The following IKBIP variants were observed in gnomAD, a reference collection of about 807,000 sequenced individuals.
IKBIP encodes the protein inhibitor of nuclear factor kappa-B kinase-interacting protein.
Under a neutral mutation model 31.0 loss-of-function variants are expected in IKBIP, and 28 were observed. That is an observed-to-expected ratio of 0.90 (90% CI 0.67 to 1.24). The LOEUF (loss-of-function observed/expected upper bound fraction) is 1.24, where lower values mean the gene tolerates loss of function less well. Among genes scored for constraint, IKBIP ranks in the 50% most tolerant of loss-of-function variants. IKBIP has a pLI of 0.00. For synonymous variants in IKBIP, 164 were observed against 160.3 expected, an observed-to-expected ratio of 1.02 and a Z score of -0.17; for missense variants, 453 against 441.9, an observed-to-expected ratio of 1.03 and a Z score of -0.23.
At chr12:98,631,858 T>C (rs1027633452) in intron 2 of IKBIP, among the ~76,000 whole-genome samples, 6 of 151,264 alleles carry the variant, frequency 4.0e-5, no homozygotes, top group African/African-American at 1.5e-4. Context: ...CTTTTATTTA[T>C]ATTTATTTAT....
intron 2 of IKBIP, among the ~76,000 whole-genome samples, chr12:98,631,083 C>T (rs1268595621): frequency 1.3e-5 from 2 of 151,766 alleles, no homozygotes; most frequent in Admixed American, 6.6e-5. Flanking sequence ...CAGGCATGCA[C>T]CATCATGCCC....
At chr12:98,636,600 T>C (rs1178594419) in intron 1 of IKBIP, among the ~76,000 whole-genome samples, 1 of 152,374 alleles carries the variant, frequency 6.6e-6, no homozygotes, top group Non-Finnish European at 1.5e-5. Context: ...CTTTTGATGA[T>C]GCTGGCTAAT....
intron 2 of IKBIP, among the ~76,000 whole-genome samples, chr12:98,630,508 C>T (rs7302290): frequency 3.4e-4 from 50 of 145,510 alleles, no homozygotes; most frequent in African/African-American, 1.3e-3. Flanking sequence ...TGGAAACTGA[C>T]TTTAAGTGGA....
At chr12:98,641,930 T>C (rs890064154) in intron 1 of IKBIP, among the ~76,000 whole-genome samples, 1 of 152,164 alleles carries the variant, frequency 6.6e-6, no homozygotes, top group Non-Finnish European at 1.5e-5. Context: ...GTTGGGATTA[T>C]AGGCATGAAC....
chr12:98,628,522 G>A (rs917494376), intron 2 of IKBIP, among the ~76,000 whole-genome samples: 4 of 152,152 alleles, frequency 2.6e-5, no homozygotes, highest in African/African-American at 7.2e-5. Flanking sequence ...GGCTCAGACC[G>A]GATCTCAGCT....
intron 2 of IKBIP, chr12:98,614,382 A>C: frequency 9.8e-7 from 1 of 1,025,622 alleles, no homozygotes; most frequent in Non-Finnish European, 1.4e-6. Context: ...ATGTATTAGA[A>C]GCTTACCATT....
intron 2 of IKBIP, among the ~76,000 whole-genome samples, chr12:98,616,409 A>C (rs1592986901): frequency 6.6e-6 from 1 of 151,986 alleles, no homozygotes; most frequent in African/African-American, 2.4e-5. Flanking sequence ...TTTATGGTTC[A>C]TGAGTATTTT....
intron 2 of IKBIP, among the ~76,000 whole-genome samples, chr12:98,630,023 T>C (rs776528659): frequency 2.8e-4 from 42 of 152,282 alleles, no homozygotes; most frequent in Non-Finnish European, 4.9e-4. Context: ...TGCTCCCAAC[T>C]TAGCTTCCCA....
At chr12:98,639,245 C>T (rs1320999401) in intron 1 of IKBIP, among the ~76,000 whole-genome samples, 1 of 152,186 alleles carries the variant, frequency 6.6e-6, no homozygotes, top group Non-Finnish European at 1.5e-5. Context: ...ACTCTTCCAT[C>T]CTTCCTACAT....
chr12:98,641,379 C>T lies in IKBIP; in HGVS notation c.179+3144G>A, dbSNP rs148632155. Among the ~76,000 whole-genome samples the T allele has an allele frequency of 1.3e-3, 197 of 152,270 alleles. 1 individual carries two copies. Among genetic ancestry groups the T allele is most frequent in the Admixed American group, 7.5e-3 (114 of 15,290 alleles). On this transcript the variant is annotated intron_variant, in intron 1 of 2. Transcript: ENST00000299157. The stretch of plus-strand genomic sequence containing the variant: ...AGACCGACTTTTAGATGCTGAATTA[C>T]GTGTTTTAGTGGTAAAGATCTCAAT...
downstream of IKBIP, among the ~76,000 whole-genome samples, chr12:98,622,389 G>C (rs2097610828): frequency 6.6e-6 from 1 of 152,126 alleles, no homozygotes; most frequent in African/African-American, 2.4e-5. Context: ...TGGCATGGCG[G>C]TGTGCACCTG....
At chr12:98,613,661 A>T in exon 3 of IKBIP, 1 of 1,587,838 alleles carries the variant, frequency 6.3e-7, no homozygotes, top group South Asian at 1.1e-5. Context: ...TAAATTAGAT[A>T]TTTTTTCACT....
intron 1 of IKBIP, among the ~76,000 whole-genome samples, chr12:98,637,833 C>T (rs550181552): frequency 5.3e-5 from 8 of 152,180 alleles, no homozygotes; most frequent in Non-Finnish European, 1.0e-4. Context: ...CGTGAGCCAC[C>T]GCACCCAGCC....
At chr12:98,613,699 T>C in exon 3 of IKBIP, 1 of 1,611,044 alleles carries the variant, frequency 6.2e-7, no homozygotes, top group Non-Finnish European at 8.5e-7. Context: ...TCTCTCTTTG[T>C]AGTAAGTCGG....
At chr12:98,636,890 A>AC (rs2097626178) in intron 1 of IKBIP, among the ~76,000 whole-genome samples, 1 of 151,316 alleles carries the variant, frequency 6.6e-6, no homozygotes, top group Admixed American at 6.6e-5. Flanking sequence ...TGCCCTCCTC[A>AC]CGCCTTCCTG....
At chr12:98,630,895 G>A (rs1212923530) in intron 2 of IKBIP, among the ~76,000 whole-genome samples, 3 of 151,768 alleles carry the variant, frequency 2.0e-5, no homozygotes, top group Non-Finnish European at 4.4e-5. Flanking sequence ...CAGAATGGGA[G>A]AAAAAGCTAC....
chr12:98,643,395 T>C (rs1241603947), intron 1 of IKBIP, among the ~76,000 whole-genome samples: 1 of 152,138 alleles, frequency 6.6e-6, no homozygotes, highest in Non-Finnish European at 1.5e-5. Context: ...AACAACAGTC[T>C]TACTAAATAA....
intron 1 of IKBIP, among the ~76,000 whole-genome samples, chr12:98,643,469 T>C (rs761964469): frequency 2.6e-5 from 4 of 152,024 alleles, no homozygotes; most frequent in Non-Finnish European, 5.9e-5. Flanking sequence ...TAAAATGAAA[T>C]GGGCTATTCC....
chr12:98,617,091 T>A (rs1460361221), intron 2 of IKBIP, among the ~76,000 whole-genome samples: 1 of 152,238 alleles, frequency 6.6e-6, no homozygotes, highest in East Asian at 1.9e-4. Flanking sequence ...TAACTATCCA[T>A]GAGACCTTGA....
Sources: gnomAD v4.1 joint callset for allele counts (sites outside exome capture counted in the v4.1 genomes callset) on GRCh38, gnomAD v4.1.1 for gene constraint, MANE v1.5 for transcripts, NCBI Gene and HGNC (gene_info 2026-07-23, HGNC 2026-07-21) for gene names.